The following SEMA6D variants were observed in gnomAD, a reference collection of about 807,000 sequenced individuals.
SEMA6D encodes semaphorin 6D.
Under a neutral mutation model 106.6 loss-of-function variants are expected in SEMA6D, and 35 were observed. That is an observed-to-expected ratio of 0.33 (90% CI 0.25 to 0.44). The LOEUF (loss-of-function observed/expected upper bound fraction) is 0.44, where lower values mean the gene tolerates loss of function less well. Ranked by LOEUF, SEMA6D falls within the 20% of genes least tolerant of loss-of-function variation. The pLI, the probability that SEMA6D is intolerant of heterozygous loss-of-function variation, is 1.00. For missense variants in SEMA6D, 1,185 were observed against 1,345.9 expected, an observed-to-expected ratio of 0.88 and a Z score of 1.87; for synonymous variants, 499 against 487.7, an observed-to-expected ratio of 1.02 and a Z score of -0.31.
intron 1 of SEMA6D, among the ~76,000 whole-genome samples, chr15:47,208,809 T>C (rs561322122): frequency 6.6e-6 from 1 of 152,298 alleles, no homozygotes; most frequent in Non-Finnish European, 1.5e-5. Flanking sequence ...CTTGGGCATG[T>C]CCTATAACAT....
intron 1 of SEMA6D, among the ~76,000 whole-genome samples, chr15:47,192,926 C>T (rs539163008): frequency 6.6e-6 from 1 of 152,168 alleles, no homozygotes; most frequent in African/African-American, 2.4e-5. Context: ...TCCAATCCAC[C>T]AAATTTCATA....
chr15:47,254,331 G>GTGTGTA (rs33925888), intron 1 of SEMA6D, among the ~76,000 whole-genome samples: 36 of 139,264 alleles, frequency 2.6e-4, no homozygotes, highest in South Asian at 6.9e-4. Context: ...GTGTGTGTGT[G>GTGTGTA]TATATATATA....
At chr15:47,562,554 C>T (rs566041032) in intron 3 of SEMA6D, among the ~76,000 whole-genome samples, 109 of 152,130 alleles carry the variant, frequency 7.2e-4, no homozygotes, top group African/African-American at 2.0e-3. Context: ...CTTGAATAGA[C>T]ATCATACCTA....
chr15:47,766,965 A>C, intron 16 of SEMA6D, 72 bp from the exon 17 acceptor site: 4 of 821,136 alleles, frequency 4.9e-6, no homozygotes, highest in Non-Finnish European at 7.7e-6. Context: ...TTTTTTAGTT[A>C]ATTGGAATTC....
chr15:47,324,096 A>T (rs2037033013), intron 1 of SEMA6D, among the ~76,000 whole-genome samples: 1 of 151,902 alleles, frequency 6.6e-6, no homozygotes, highest in African/African-American at 2.4e-5. Context: ...TGCTTGGTTT[A>T]CTGTAGTTTG....
chr15:47,687,340 A>G (rs890887874), intron 4 of SEMA6D, among the ~76,000 whole-genome samples: 1 of 152,136 alleles, frequency 6.6e-6, no homozygotes, highest in African/African-American at 2.4e-5. Context: ...AAGCCAGCAA[A>G]ATTAAAATGT....
intron 3 of SEMA6D, among the ~76,000 whole-genome samples, chr15:47,528,836 C>A (rs2044849643): frequency 6.6e-6 from 1 of 152,166 alleles, no homozygotes; most frequent in South Asian, 2.1e-4. Context: ...GGGGCACCAA[C>A]CCCTAACACA....
intron 1 of SEMA6D, chr15:47,730,589 G>T: frequency 2.6e-6 from 4 of 1,530,098 alleles, no homozygotes; most frequent in Middle Eastern, 4.6e-4. Flanking sequence ...TTTCTTCTCG[G>T]CCCAGGCCAA....
chr15:47,339,849 C>G (rs2037737485), intron 1 of SEMA6D, among the ~76,000 whole-genome samples: 1 of 150,926 alleles, frequency 6.6e-6, no homozygotes, highest in African/African-American at 2.4e-5. Flanking sequence ...GAGTGAGACC[C>G]TGTCTCCAAA....
intron 1 of SEMA6D, among the ~76,000 whole-genome samples, chr15:47,375,207 G>A (rs577367246): frequency 8.5e-5 from 13 of 152,200 alleles, no homozygotes; most frequent in Non-Finnish European, 1.8e-4. Flanking sequence ...GAAAAGATCA[G>A]TCAAGTTGAA....
At chr15:47,742,526 G>A (rs1187585080) in intron 1 of SEMA6D, among the ~76,000 whole-genome samples, 3 of 152,198 alleles carry the variant, frequency 2.0e-5, no homozygotes, top group African/African-American at 7.2e-5. Flanking sequence ...AGAGCCTAGG[G>A]CCTGGGGACT....
chr15:47,415,582 G>GT (rs1054559992), intron 2 of SEMA6D, among the ~76,000 whole-genome samples: 5 of 151,862 alleles, frequency 3.3e-5, no homozygotes, highest in African/African-American at 1.2e-4. Flanking sequence ...TACAATCCAG[G>GT]TTTTTTTTAG....
At chr15:47,768,158 C>T (rs1213696471) in intron 17 of SEMA6D, among the ~76,000 whole-genome samples, 1 of 152,192 alleles carries the variant, frequency 6.6e-6, no homozygotes, top group Non-Finnish European at 1.5e-5. Flanking sequence ...AAAGTTCCAT[C>T]ATAGCTTCTT....
chr15:47,285,433 GT>G (rs992427761), intron 1 of SEMA6D, among the ~76,000 whole-genome samples: 34 of 150,760 alleles, frequency 2.3e-4, no homozygotes, highest in African/African-American at 7.3e-4. Context: ...CAGTTTGTTT[GT>G]TTTTTTCTTT....
intron 1 of SEMA6D, among the ~76,000 whole-genome samples, chr15:47,292,538 A>G (rs1024246822): frequency 1.3e-5 from 2 of 152,186 alleles, no homozygotes; most frequent in East Asian, 3.8e-4. Context: ...AGAACCTTCA[A>G]GAAAGCTTGT....
chr15:47,453,682 A>T (rs1164339140), intron 2 of SEMA6D, among the ~76,000 whole-genome samples: 1 of 151,958 alleles, frequency 6.6e-6, no homozygotes, highest in African/African-American at 2.4e-5. Context: ...ATCAAATGTC[A>T]CTGGTTTGAT....
In SEMA6D at chr15:47,277,580, A is replaced by ATGTTAT. The variant is rs1555414587; in HGVS notation, c.-239+93163_-239+93164insGTTATT. ...AAAGCATTTTTAAATTAAGGTATGT[A>ATGTTAT]TATTATTATTATTATTATTATTATT... is the stretch of plus-strand genomic sequence containing the variant. On this transcript the variant is annotated intron_variant, in intron 1 of 19. Transcript: ENST00000558014. Among the ~76,000 whole-genome samples the ATGTTAT allele has an allele frequency of 4.1e-4, 44 of 107,364 alleles. No homozygotes were observed. In the East Asian group the frequency reaches 7.7e-3, roughly 19 times the overall value. The allele number at this position is 107,364 out of a possible 152,430, so 70.4% of individuals were successfully genotyped here.
intron 1 of SEMA6D, among the ~76,000 whole-genome samples, chr15:47,345,449 CAAAG>C: frequency 6.6e-6 from 1 of 151,932 alleles, no homozygotes; most frequent in South Asian, 2.1e-4. Flanking sequence ...TACAATTTAA[CAAAG>C]AAAGTACAGT....
At chr15:47,556,415 G>A (rs1036031734) in intron 3 of SEMA6D, among the ~76,000 whole-genome samples, 4 of 152,080 alleles carry the variant, frequency 2.6e-5, no homozygotes, top group Non-Finnish European at 5.9e-5. Context: ...ATATGAAATA[G>A]ACCAAGAAAT....
Sources: gnomAD v4.1 joint callset for allele counts (sites outside exome capture counted in the v4.1 genomes callset) on GRCh38, gnomAD v4.1.1 for gene constraint, MANE v1.5 for transcripts, NCBI Gene and HGNC (gene_info 2026-07-23, HGNC 2026-07-21) for gene names.